Variants in LATS2 observed in about 807,000 individuals in gnomAD.
LATS2 encodes serine/threonine-protein kinase LATS2.
LATS2 carries 24 observed loss-of-function variants against 76.0 expected under a neutral mutation model. The observed-to-expected ratio is 0.32, with a 90% CI of 0.23 to 0.44. LATS2 has a LOEUF of 0.44. Among genes scored for constraint, LATS2 ranks in the 20% least tolerant of loss-of-function variants. The pLI is 1.00. For synonymous variants in LATS2, 692 were observed against 635.4 expected, an observed-to-expected ratio of 1.09 and a Z score of -1.34; for missense variants, 1,286 against 1,481.2, an observed-to-expected ratio of 0.87 and a Z score of 2.16.
rs78082075 is a variant in LATS2 at position 21,060,372 on chromosome 13, C to T, written c.-205+974G>A. ...GCTTACATCAGAAGAGAAAGCCAAA[C>T]CCCCCACACGTCGCTAAACTAGGGC... On this transcript the variant is annotated intron_variant, in intron 1 of 7. Coordinates refer to ENST00000382592, the MANE Select transcript of LATS2 (RefSeq NM_014572.3). Among the ~76,000 whole-genome samples, 8 of 152,252 alleles carry T rather than the reference C, an allele frequency of 5.3e-5. No homozygotes were observed. In the East Asian group the frequency reaches 9.6e-4, roughly 18 times the overall value.
intron 2 of LATS2, among the ~76,000 whole-genome samples, chr13:21,038,877 G>A (rs1489355783): frequency 6.6e-6 from 1 of 152,178 alleles, no homozygotes. Context: ...TCCTCGGGAG[G>A]CTGAGGCATG....
intron 2 of LATS2, among the ~76,000 whole-genome samples, chr13:21,020,087 A>G (rs1387767400): frequency 6.6e-6 from 1 of 152,130 alleles, no homozygotes; most frequent in Non-Finnish European, 1.5e-5. Context: ...AAGTGGTTGA[A>G]GGAGAGTGGA....
chr13:20,975,183 T>A lies in LATS2; in HGVS notation c.2954A>T (p.Gln985Leu), dbSNP rs767087998. 4.6e-5 allele frequency: 74 copies of A among 1,614,088 alleles called. No homozygotes were observed. Among genetic ancestry groups the A allele is most frequent in the Non-Finnish European group, 3.6e-5 (42 of 1,180,050 alleles). The change falls in exon 8 of 8, where the codon CAG (glutamine) becomes CTG (leucine). Residue 985 changes from glutamine (Q) to leucine (L), a missense_variant. Around this residue, in one of 5 missense-constraint regions of LATS2, gnomAD observed 210 missense variants for 234.9 expected, o/e 0.89. Coordinates refer to ENST00000382592, the MANE Select transcript of LATS2 (RefSeq NM_014572.3). ...AIDFSSDIRK[Q>L]PAPYVPTISH... The stretch of plus-strand genomic sequence containing the variant: ...GATGGTGGGAACGTAGGGGGCTGGC[T>A]GCTTCCGGATGTCACTGGAGAAGTC...
chr13:20,999,627 T>A (rs1016378778), intron 2 of LATS2, among the ~76,000 whole-genome samples: 10 of 151,968 alleles, frequency 6.6e-5, no homozygotes, highest in African/African-American at 9.7e-5. Context: ...GCTAATTTTT[T>A]AAAAAATTTT....
intron 2 of LATS2, among the ~76,000 whole-genome samples, chr13:21,021,665 T>C (rs1235448918): frequency 6.6e-6 from 1 of 152,180 alleles, no homozygotes; most frequent in Non-Finnish European, 1.5e-5. Context: ...AGCTTAATTT[T>C]TGAAGAATTG....
chr13:21,012,732 G>A (rs879550279), intron 2 of LATS2, among the ~76,000 whole-genome samples: 6 of 152,010 alleles, frequency 3.9e-5, no homozygotes, highest in African/African-American at 7.3e-5. Context: ...AATGAACAGC[G>A]CTAGCACAGG....
chr13:20,973,979 C>CT lies in LATS2; in HGVS notation c.*890_*891insA, dbSNP rs1051866612. On this transcript the variant is annotated 3_prime_UTR_variant, in exon 8 of 8. Transcript: ENST00000382592. Reference sequence around the variant, plus strand: ...ATGACAAATGTTTCAGTTCCCCCCCCCCAAAGAATCCAATCACAACCAAGA... The same window carrying CT: ...ATGACAAATGTTTCAGTTCCCCCCCCTCCAAAGAATCCAATCACAACCAAGA... The CT allele has an allele frequency of 5.0e-6, 1 of 200,716 alleles. No homozygotes were observed. Among genetic ancestry groups the CT allele is most frequent in the South Asian group, 2.1e-4 (1 of 4,768 alleles). 12.4% of individuals were successfully genotyped at this position (200,716 alleles called of 1,614,324 possible).
intron 1 of LATS2, among the ~76,000 whole-genome samples, chr13:21,056,642 C>T (rs992110386): frequency 2.0e-5 from 3 of 152,140 alleles, no homozygotes; most frequent in Non-Finnish European, 4.4e-5. Context: ...CTCCTCTGCA[C>T]CCCTCCAAGT....
intron 2 of LATS2, among the ~76,000 whole-genome samples, chr13:21,028,897 G>C (rs11841098): frequency 1.3e-5 from 2 of 152,052 alleles, no homozygotes; most frequent in South Asian, 2.1e-4. Flanking sequence ...TTCATTGCTA[G>C]TTCACAAAAA....
chr13:21,022,616 C>T (rs1231293424), intron 2 of LATS2, among the ~76,000 whole-genome samples: 3 of 152,132 alleles, frequency 2.0e-5, no homozygotes, highest in African/African-American at 7.2e-5. Context: ...CAGAGGAAAG[C>T]TTTTTGTTTA....
intron 1 of LATS2, among the ~76,000 whole-genome samples, chr13:21,050,211 G>C (rs150490560): frequency 6.7e-6 from 1 of 150,202 alleles, no homozygotes; most frequent in Admixed American, 6.7e-5. Context: ...GAACAGTAAG[G>C]CTTTTGGGGG....
chr13:21,028,826 C>T (rs796683745), intron 2 of LATS2, among the ~76,000 whole-genome samples: 1 of 152,224 alleles, frequency 6.6e-6, no homozygotes, highest in East Asian at 1.9e-4. Context: ...CCTTGGCCTC[C>T]CAGAGTACTG....
intron 1 of LATS2, among the ~76,000 whole-genome samples, chr13:21,046,933 A>T (rs1186109622): frequency 6.6e-6 from 1 of 152,198 alleles, no homozygotes; most frequent in Non-Finnish European, 1.5e-5. Context: ...AGCAATTGAT[A>T]CTGACATGGA....
intron 1 of LATS2, among the ~76,000 whole-genome samples, chr13:21,052,669 ATC>A (rs1449424240): frequency 1.3e-5 from 2 of 152,172 alleles, no homozygotes; most frequent in African/African-American, 4.8e-5. Flanking sequence ...TCCTCTTTAA[ATC>A]AGTGTTTGAG....
chr13:21,027,857 T>C (rs1277378582), intron 2 of LATS2, among the ~76,000 whole-genome samples: 1 of 152,192 alleles, frequency 6.6e-6, no homozygotes, highest in Non-Finnish European at 1.5e-5. Flanking sequence ...CTGTGAGAAC[T>C]GCCGTCTTAA....
intron 2 of LATS2, among the ~76,000 whole-genome samples, chr13:20,999,445 A>C (rs187378669): frequency 2.0e-5 from 3 of 152,092 alleles, no homozygotes; most frequent in Non-Finnish European, 4.4e-5. Flanking sequence ...TCCAATTTTC[A>C]TATCTGCTGC....
At chr13:20,985,539 G>A (rs1430114755) in intron 4 of LATS2, among the ~76,000 whole-genome samples, 1 of 152,092 alleles carries the variant, frequency 6.6e-6, no homozygotes, top group Non-Finnish European at 1.5e-5. Context: ...AGGAGTTTGA[G>A]ACCAGCCTGA....
chr13:21,054,680 CTA>C (rs1441982224), intron 1 of LATS2, among the ~76,000 whole-genome samples: 3 of 152,202 alleles, frequency 2.0e-5, no homozygotes. Context: ...CTGGACATTT[CTA>C]TGTCGATGTC....
chr13:21,002,417 C>T (rs925422319), intron 2 of LATS2, among the ~76,000 whole-genome samples: 4 of 148,668 alleles, frequency 2.7e-5, no homozygotes, highest in African/African-American at 1.0e-4. Context: ...TCTTGTTGCA[C>T]AGGCTGGAGT....
Sources: gnomAD v4.1 joint callset for allele counts (sites outside exome capture counted in the v4.1 genomes callset) on GRCh38, gnomAD v4.1.1 for gene constraint, gnomAD v4.1.1 regional missense constraint, MANE v1.5 for transcripts, NCBI Gene and HGNC (gene_info 2026-07-23, HGNC 2026-07-21) for gene names.